The following ROCK1 variants were observed in gnomAD, a reference collection of about 807,000 sequenced individuals.
ROCK1 encodes rho-associated protein kinase 1.
ROCK1 carries 36 observed loss-of-function variants against 196.8 expected under a neutral mutation model. That is an observed-to-expected ratio of 0.18 (90% confidence interval 0.14 to 0.24). The LOEUF (loss-of-function observed/expected upper bound fraction) is 0.24. Ranked by LOEUF, ROCK1 falls within the 10% of genes least tolerant of loss-of-function variation. ROCK1 has a pLI of 1.00. For missense variants in ROCK1, 920 were observed against 1,562.0 expected (o/e 0.59, Z 6.93); for synonymous variants, 443 against 515.9 (o/e 0.86, Z 1.91).
At chr18:21,005,576 C>G (rs926686958) in intron 16 of ROCK1, among the ~76,000 whole-genome samples, 1 of 152,018 alleles carries the variant, frequency 6.6e-6, no homozygotes, top group Non-Finnish European at 1.5e-5. Flanking sequence ...GGGCATTATT[C>G]TAAAAGAGAA....
chr18:21,010,748 T>C (rs1249627915), intron 13 of ROCK1, among the ~76,000 whole-genome samples: 2 of 152,206 alleles, frequency 1.3e-5, no homozygotes, highest in African/African-American at 4.8e-5. Context: ...GTAGTTGAGT[T>C]CTCCTATGTT....
intron 9 of ROCK1, among the ~76,000 whole-genome samples, chr18:21,030,854 G>T (rs1005331827): frequency 6.6e-6 from 1 of 152,112 alleles, no homozygotes; most frequent in Non-Finnish European, 1.5e-5. Context: ...GGAACTCAAA[G>T]AAATCATACC....
chr18:21,027,273 T>C (rs2035966733), intron 10 of ROCK1, among the ~76,000 whole-genome samples: 1 of 152,314 alleles, frequency 6.6e-6, no homozygotes, highest in South Asian at 2.1e-4. Flanking sequence ...CTAACCTACA[T>C]TGCACAATTT....
At chr18:20,969,057 G>A (rs1199020148) in intron 24 of ROCK1, 58 bp downstream of exon 24, 24 of 1,161,470 alleles carry the variant, frequency 2.1e-5, no homozygotes, top group Non-Finnish European at 2.9e-5. Context: ...CACAACATAG[G>A]TAAAGATAAA....
rs141619266 is a variant in ROCK1 at position 21,088,312 on chromosome 18, T to C, written c.94-17699A>G. Among the ~76,000 whole-genome samples, 72 of 152,078 alleles carry C rather than the reference T, an allele frequency of 4.7e-4. 2 individuals are homozygous for C. The highest frequency in any genetic ancestry group is 3.4e-3 in the Middle Eastern group (1 of 294). Reference sequence around the variant, plus strand: ...AGTTCAAGGCCCATCTGGGTAACAATAGAAAGACCTCGTCTCTACAAAAAA... The same window carrying C: ...AGTTCAAGGCCCATCTGGGTAACAACAGAAAGACCTCGTCTCTACAAAAAA... On this transcript the variant is annotated intron_variant, in intron 1 of 32. Coordinates refer to ENST00000399799, the MANE Select transcript of ROCK1 (RefSeq NM_005406.3).
At position 21,006,733 on chromosome 18, in the gene ROCK1, A is replaced by T. The variant is rs1244252271; in HGVS notation, c.1604T>A (p.Leu535His). ...DLKKVSQNSQ[L>H]ANEKLSQLQK... is the part of the protein sequence containing the mutation. Reference sequence around the variant, plus strand: ...TAACTGGGACAGCTTCTCATTAGCAAGCTGTGAATTCTGACTGACTTTCTT... The same window carrying T: ...TAACTGGGACAGCTTCTCATTAGCATGCTGTGAATTCTGACTGACTTTCTT... Residue 535 changes from leucine to histidine, a missense_variant, in exon 15 of 33, where the codon CTT becomes CAT. Physicochemically the swap from Leu to His is moderately conservative, Grantham distance 99. Around this residue, in one of 6 missense-constraint regions of ROCK1, gnomAD observed 520 missense variants for 657.1 expected, o/e 0.79. Transcript: ENST00000399799. 1.9e-6 allele frequency: 3 copies of T among 1,605,192 alleles called. No homozygotes were observed. In the Admixed American group the frequency reaches 5.2e-5, roughly 28 times the overall value.
chr18:20,993,860 A>G (rs1334143076), intron 16 of ROCK1, among the ~76,000 whole-genome samples: 3 of 152,240 alleles, frequency 2.0e-5, no homozygotes, highest in Non-Finnish European at 4.4e-5. Flanking sequence ...AGCTTAAAAT[A>G]AAAATTATAT....
chr18:21,069,500 C>T (rs1239772874), intron 2 of ROCK1, among the ~76,000 whole-genome samples: 2 of 152,008 alleles, frequency 1.3e-5, no homozygotes, highest in East Asian at 3.8e-4. Flanking sequence ...AATATACAAG[C>T]ATACTTAACA....
intron 16 of ROCK1, among the ~76,000 whole-genome samples, chr18:21,002,221 C>T (rs1415335579): frequency 2.6e-5 from 4 of 152,064 alleles, no homozygotes; most frequent in Non-Finnish European, 4.4e-5. Context: ...CAAAAGGAAC[C>T]GGAGTTCCTA....
chr18:21,020,481 T>C (rs564001559), intron 11 of ROCK1, among the ~76,000 whole-genome samples: 8 of 152,204 alleles, frequency 5.3e-5, no homozygotes, highest in Admixed American at 2.6e-4. Context: ...AAGCAAATAG[T>C]TACATAGTGA....
chr18:20,984,543 T>C lies in ROCK1; in HGVS notation c.2305-8A>G. The C allele has an allele frequency of 1.3e-6, 2 of 1,579,046 alleles. No individual in the cohort carries two copies. Among genetic ancestry groups the C allele is most frequent in the African/African-American group, 1.4e-5 (1 of 72,786 alleles). Reference sequence around the variant, plus strand: ...CAGGGTTAGATTCTTAACCTATGAATGAGAAAAATAATTGGGATCTTAAAT... The same window carrying C: ...CAGGGTTAGATTCTTAACCTATGAACGAGAAAAATAATTGGGATCTTAAAT... On this transcript the variant is annotated splice_region_variant and splice_polypyrimidine_tract_variant and intron_variant, in intron 19 of 32. Transcript: ENST00000399799.
In ROCK1 at chr18:21,110,986, G is replaced by A; in HGVS notation, c.-76C>T. The A allele has an allele frequency of 1.6e-6, 2 of 1,257,652 alleles. No homozygotes were observed. Among genetic ancestry groups the A allele is most frequent in the East Asian group, 4.6e-5 (2 of 43,150 alleles). 77.9% of individuals were successfully genotyped at this position (1,257,652 alleles called of 1,614,324 possible). A position where few individuals can be genotyped will look rare whatever the true frequency, so the allele number is the denominator to read the frequency against. ...AATTTCAACCAACTTCCTCCGCGGT[G>A]GGTTCGCAGCCGCGGGGCGGAGGAG... On this transcript the variant is annotated 5_prime_UTR_variant, in exon 1 of 33. Coordinates refer to ENST00000399799, the MANE Select transcript of ROCK1 (RefSeq NM_005406.3).
intron 12 of ROCK1, among the ~76,000 whole-genome samples, chr18:21,016,333 G>T (rs768769572): frequency 2.6e-5 from 4 of 152,114 alleles, no homozygotes; most frequent in Non-Finnish European, 4.4e-5. Flanking sequence ...TGGACTCTTT[G>T]GGGGAGGTCT....
chr18:21,054,919 C>G (rs1446001084), intron 2 of ROCK1, among the ~76,000 whole-genome samples: 1 of 152,110 alleles, frequency 6.6e-6, no homozygotes, highest in Non-Finnish European at 1.5e-5. Flanking sequence ...TATAGCTTTC[C>G]TGCTTAGTTC....
chr18:21,015,608 T>C (rs774500838), intron 12 of ROCK1, 129 bp from the exon 13 acceptor site: 5 of 666,142 alleles, frequency 7.5e-6, no homozygotes, highest in Non-Finnish European at 1.3e-5. Flanking sequence ...TGGATCTCTT[T>C]GGCAGTCAAG....
chr18:21,067,680 C>T (rs1410006504), intron 2 of ROCK1, among the ~76,000 whole-genome samples: 1 of 152,156 alleles, frequency 6.6e-6, no homozygotes, highest in East Asian at 1.9e-4. Context: ...AGCCACCATG[C>T]CTGGCCTTCA....
intron 1 of ROCK1, among the ~76,000 whole-genome samples, chr18:21,076,672 TACACACAC>T (rs112541303): frequency 3.4e-4 from 49 of 146,260 alleles, no homozygotes; most frequent in Non-Finnish European, 1.5e-5. Flanking sequence ...TCTTGGTACA[TACACACAC>T]ACACACACAC....
intron 4 of ROCK1, among the ~76,000 whole-genome samples, chr18:21,047,963 C>T (rs535609866): frequency 2.8e-4 from 43 of 152,218 alleles, no homozygotes; most frequent in African/African-American, 9.4e-4. Context: ...TAACTTCCCC[C>T]GTATGACATT....
chr18:21,064,932 C>T (rs2036321446), intron 2 of ROCK1, among the ~76,000 whole-genome samples: 1 of 152,170 alleles, frequency 6.6e-6, no homozygotes, highest in Non-Finnish European at 1.5e-5. Context: ...TTTTGCCTCT[C>T]AAGGGATATT....
Sources: gnomAD v4.1 joint callset for allele counts (sites outside exome capture counted in the v4.1 genomes callset) on GRCh38, gnomAD v4.1.1 for gene constraint, gnomAD v4.1.1 regional missense constraint, MANE v1.5 for transcripts, NCBI Gene and HGNC (gene_info 2026-07-23, HGNC 2026-07-21) for gene names.